The following PTPRQ variants were observed in gnomAD, a reference collection of about 807,000 sequenced individuals.
PTPRQ encodes protein tyrosine phosphatase receptor type Q.
Under a neutral mutation model 246.0 loss-of-function variants are expected in PTPRQ, and 199 were observed. The observed-to-expected ratio is 0.81, with a 90% confidence interval of 0.72 to 0.91. The LOEUF is 0.91. Among genes scored for constraint, PTPRQ ranks in the 40% least tolerant of loss-of-function variants. The probability of loss-of-function intolerance (pLI) is 0.00; values close to 1 mark genes in which losing one functional copy is unlikely to be tolerated. For missense variants in PTPRQ, 2,624 were observed against 2,528.4 expected (o/e 1.04, Z -0.81); for synonymous variants, 869 against 853.2 (o/e 1.02, Z -0.32).
intron 26 of PTPRQ, among the ~76,000 whole-genome samples, chr12:80,592,477 G>C (rs1465446502): frequency 6.6e-6 from 1 of 151,874 alleles, no homozygotes; most frequent in African/African-American, 2.4e-5. Flanking sequence ...ATTATATGGG[G>C]AACTGCATAT....
chr12:80,605,322 A>G, intron 27 of PTPRQ, 142 bp downstream of exon 27: 1 of 1,072,144 alleles, frequency 9.3e-7, no homozygotes, highest in African/African-American at 1.6e-5. Flanking sequence ...CAATGTCTAC[A>G]TCTGTAAAGA....
At chr12:80,450,853 T>A (rs7953545) in intron 3 of PTPRQ, among the ~76,000 whole-genome samples, 7,709 of 152,130 alleles carry the variant, frequency 0.051, 581 homozygotes, top group African/African-American at 0.18. Flanking sequence ...TTTGGTTGTG[T>A]CTCTGCCTGG....
chr12:80,503,720 A>G (rs1006931164), intron 14 of PTPRQ, among the ~76,000 whole-genome samples: 1 of 151,822 alleles, frequency 6.6e-6, no homozygotes, highest in Non-Finnish European at 1.5e-5. Context: ...TTAAACCATT[A>G]TCTTGGCCAC....
intron 25 of PTPRQ, among the ~76,000 whole-genome samples, chr12:80,552,182 G>A (rs1050608115): frequency 1.3e-5 from 2 of 152,026 alleles, no homozygotes; most frequent in Non-Finnish European, 2.9e-5. Context: ...TTTGAGGACA[G>A]GCAAACAGTG....
At chr12:80,581,236 G>A (rs893073803) in intron 25 of PTPRQ, among the ~76,000 whole-genome samples, 36 of 152,154 alleles carry the variant, frequency 2.4e-4, no homozygotes, top group African/African-American at 8.5e-4. Context: ...AAGGTAACTG[G>A]TAGTAGATCT....
At chr12:80,539,647 C>A in intron 19 of PTPRQ, 129 bp from the exon 20 acceptor site, 1 of 739,826 alleles carries the variant, frequency 1.4e-6, no homozygotes, top group Non-Finnish European at 1.9e-6. Flanking sequence ...TGTTCTATGT[C>A]GATTTTCCTA....
At chr12:80,607,616 A>G (rs556497625) in intron 27 of PTPRQ, among the ~76,000 whole-genome samples, 128 of 150,932 alleles carry the variant, frequency 8.5e-4, no homozygotes, top group Admixed American at 1.9e-3. Flanking sequence ...ATTAATATGT[A>G]ATTATCAACA....
chr12:80,496,732 A>G (rs1894637435), intron 14 of PTPRQ, among the ~76,000 whole-genome samples: 1 of 152,082 alleles, frequency 6.6e-6, no homozygotes, highest in Non-Finnish European at 1.5e-5. Context: ...GATTTATATA[A>G]GGGAACTTCT....
chr12:80,470,943 C>T (rs1169519878), intron 7 of PTPRQ, among the ~76,000 whole-genome samples: 2 of 151,966 alleles, frequency 1.3e-5, no homozygotes, highest in East Asian at 3.9e-4. Flanking sequence ...GGCTGAAATT[C>T]TGAAAAACTA....
intron 35 of PTPRQ, among the ~76,000 whole-genome samples, chr12:80,648,215 T>C (rs1301676066): frequency 6.6e-6 from 1 of 152,150 alleles, no homozygotes; most frequent in Non-Finnish European, 1.5e-5. Flanking sequence ...GTTCATTTCA[T>C]TATATTTTGT....
At chr12:80,550,731 T>G (rs1896449324) in intron 25 of PTPRQ, among the ~76,000 whole-genome samples, 1 of 152,230 alleles carries the variant, frequency 6.6e-6, no homozygotes, top group South Asian at 2.1e-4. Context: ...TTCTACTTTG[T>G]TTGTCTATAA....
chr12:80,521,743 C>G (rs1215566709), intron 17 of PTPRQ, among the ~76,000 whole-genome samples: 1 of 152,086 alleles, frequency 6.6e-6, no homozygotes, highest in East Asian at 1.9e-4. Context: ...GGTACCAGTA[C>G]CATGCTGTTT....
chr12:80,654,641 A>T (rs1300631237), intron 38 of PTPRQ, among the ~76,000 whole-genome samples: 1 of 151,472 alleles, frequency 6.6e-6, no homozygotes, highest in African/African-American at 2.4e-5. Flanking sequence ...TGAGGTCAGA[A>T]GTTCAAGACT....
intron 25 of PTPRQ, among the ~76,000 whole-genome samples, chr12:80,564,130 C>T (rs12306915): frequency 0.2 from 31,061 of 151,862 alleles, 4,913 homozygotes; most frequent in African/African-American, 0.44. Flanking sequence ...TTAGGGTACA[C>T]GTGCACATTG....
At chr12:80,625,186 C>T (rs1312606402) in intron 33 of PTPRQ, among the ~76,000 whole-genome samples, 1 of 152,074 alleles carries the variant, frequency 6.6e-6, no homozygotes. Context: ...TATAATACCC[C>T]TGGTGTCATC....
Position 80,463,343 on chromosome 12 carries a change from C to G in PTPRQ, c.910+2441C>G, listed in dbSNP as rs570451200. Among the ~76,000 whole-genome samples, 552 of 152,158 alleles carry G rather than the reference C, an allele frequency of 3.6e-3. 6 individuals are homozygous for G. The highest frequency in any genetic ancestry group is 0.012 in the African/African-American group (480 of 41,540). On this transcript the variant is annotated intron_variant, in intron 6 of 44. Transcript: ENST00000644991. ...AAAAGAATAAAAAGAAATGAACAAA[C>G]CCTCCAAGAAATACGGGACTATGTG...
At chr12:80,611,638 GCTAT>G (rs760275258) in intron 28 of PTPRQ, among the ~76,000 whole-genome samples, 17 of 150,132 alleles carry the variant, frequency 1.1e-4, no homozygotes, top group South Asian at 4.1e-4. Context: ...ATCTTAATGT[GCTAT>G]CTGTTTCAAG....
chr12:80,629,156 AC>A (rs1366480565), intron 33 of PTPRQ, among the ~76,000 whole-genome samples: 2 of 134,492 alleles, frequency 1.5e-5, no homozygotes, highest in African/African-American at 6.9e-5. Context: ...TGAGTGGCAC[AC>A]ACACACACAC....
At chr12:80,473,608 CAT>C (rs1403878779) in intron 8 of PTPRQ, among the ~76,000 whole-genome samples, 1 of 152,184 alleles carries the variant, frequency 6.6e-6, no homozygotes, top group African/African-American at 2.4e-5. Flanking sequence ...ACTCAATAAA[CAT>C]ATTTTTATTG....
Sources: allele counts gnomAD v4.1 joint callset (sites outside exome capture counted in the v4.1 genomes callset), GRCh38; gene constraint gnomAD v4.1.1; transcripts MANE v1.5; gene names NCBI Gene and HGNC (gene_info 2026-07-23, HGNC 2026-07-21).